The following SLC28A1 variants were observed in gnomAD, a reference collection of about 807,000 sequenced individuals.
SLC28A1 encodes sodium/nucleoside cotransporter 1.
SLC28A1 carries 64 observed loss-of-function variants against 74.8 expected under a neutral mutation model. The observed-to-expected ratio is 0.86, with a 90% CI of 0.70 to 1.05. The LOEUF (loss-of-function observed/expected upper bound fraction) is 1.05, where lower values mean the gene tolerates loss of function less well. Ranked by LOEUF, SLC28A1 falls within the 50% of genes least tolerant of loss-of-function variation. The pLI is 0.00. For synonymous variants in SLC28A1, 359 were observed against 335.0 expected (o/e 1.07, Z -0.78); for missense variants, 828 against 822.8 (o/e 1.01, Z -0.08).
chr15:84,885,281 A>T (rs1378646674), intron 1 of SLC28A1, among the ~76,000 whole-genome samples: 2 of 150,222 alleles, frequency 1.3e-5, no homozygotes, highest in African/African-American at 2.4e-5. Flanking sequence ...TTAAAGGTAG[A>T]GTCTTGCTCT....
intron 12 of SLC28A1, chr15:84,926,559 G>A (rs868142811): frequency 4.4e-6 from 2 of 454,278 alleles, no homozygotes; most frequent in South Asian, 1.6e-5. Context: ...TTGTGATATA[G>A]GGATATTCTC....
At position 84,904,305 on chromosome 15, in the gene SLC28A1, C is replaced by G. The variant is rs1044158196; in HGVS notation, c.603+67C>G. ...TCTCTCTTCTGCCCCTAGGCTGGAT[C>G]TGGGAGCTGGGGTATAGGCAGATGT... is the stretch of plus-strand genomic sequence containing the variant. On this transcript the variant is annotated intron_variant, in intron 7 of 18. Coordinates refer to ENST00000394573, the MANE Select transcript of SLC28A1 (RefSeq NM_004213.5). 2.5e-6 allele frequency: 4 copies of G among 1,605,564 alleles called. No individual in the cohort carries two copies. In the Admixed American group the frequency reaches 6.7e-5, roughly 27 times the overall value.
chr15:84,919,983 C>G (rs149308475), intron 10 of SLC28A1, among the ~76,000 whole-genome samples: 304 of 152,274 alleles, frequency 2.0e-3, no homozygotes, highest in African/African-American at 7.1e-3. Flanking sequence ...AAACCATGCC[C>G]TCCACAAAAT....
chr15:84,931,934 G>A (rs1267311208), intron 12 of SLC28A1, among the ~76,000 whole-genome samples: 2 of 151,760 alleles, frequency 1.3e-5, no homozygotes, highest in East Asian at 1.9e-4. Flanking sequence ...CCCAGGAGGC[G>A]GAGGTTACAG....
At chr15:84,888,473 TG>T (rs1964870852) in intron 3 of SLC28A1, among the ~76,000 whole-genome samples, 1 of 150,848 alleles carries the variant, frequency 6.6e-6, no homozygotes, top group Non-Finnish European at 1.5e-5. Context: ...TAGCCCTGCC[TG>T]GGGCCTCCCT....
chr15:84,905,458 GC>G (rs1966936397), intron 7 of SLC28A1, 80 bp from the exon 8 acceptor site: 2 of 953,432 alleles, frequency 2.1e-6, no homozygotes, highest in African/African-American at 1.6e-5. Flanking sequence ...GCAGGGCAAT[GC>G]CCCCTGCTCT....
chr15:84,904,336 T>C (rs1303765295), intron 7 of SLC28A1, 98 bp downstream of exon 7: 3 of 1,571,818 alleles, frequency 1.9e-6, no homozygotes, highest in Non-Finnish European at 2.6e-6. Context: ...GATGTTCCTG[T>C]TGGGAGAGCC....
intron 12 of SLC28A1, 146 bp from the exon 13 acceptor site, chr15:84,932,999 A>G (rs993494070): frequency 2.6e-6 from 2 of 764,272 alleles, no homozygotes; most frequent in African/African-American, 3.4e-5. Context: ...AGGTATTATT[A>G]TTATTAGTGA....
At chr15:84,923,561 C>G (rs764403348) in intron 11 of SLC28A1, among the ~76,000 whole-genome samples, 66 of 152,122 alleles carry the variant, frequency 4.3e-4, no homozygotes, top group Non-Finnish European at 1.6e-4. Flanking sequence ...TTCTTTTTGG[C>G]CACCGCTGTG....
intron 8 of SLC28A1, among the ~76,000 whole-genome samples, chr15:84,908,040 GGGGACAAGATGAGGGGAGACTTTGCCGTT>G (rs1291813497): frequency 2.0e-4 from 30 of 152,296 alleles, no homozygotes; most frequent in African/African-American, 7.2e-4. Context: ...AGCCCGGGAT[GGGGACAAGATGAGGGGAGACTTTGCCGTT>G]GGTTGTCAGG....
rs566803621 is a variant in SLC28A1 at position 84,944,522 on chromosome 15, G to A, written c.1664-44G>A. 18 of 1,390,966 alleles carry A rather than the reference G, an allele frequency of 1.3e-5. No homozygotes were observed. The South Asian group carries it at 1.5e-4, about 12-fold the overall frequency. The allele number at this position is 1,390,966 out of a possible 1,614,324, so 86.2% of individuals were successfully genotyped here. ...CCGAGCTGCGGAACGCGGGCAGAGA[G>A]GGACACAGCTTCCCAGGCCCTGAGC... On this transcript the variant is annotated intron_variant, in intron 16 of 18. Coordinates refer to ENST00000394573, the MANE Select transcript of SLC28A1 (RefSeq NM_004213.5).
At chr15:84,937,644 G>C (rs1972090437) in intron 15 of SLC28A1, among the ~76,000 whole-genome samples, 1 of 152,208 alleles carries the variant, frequency 6.6e-6, no homozygotes, top group Non-Finnish European at 1.5e-5. Flanking sequence ...GCTCACACCT[G>C]TAATCCCAGC....
the SLC28A1 span, among the ~76,000 whole-genome samples, chr15:84,958,264 G>A: frequency 1.3e-5 from 2 of 152,106 alleles, no homozygotes; most frequent in Admixed American, 6.5e-5. Context: ...GGAACCCTGT[G>A]TTATCTTATT....
At chr15:84,925,973 T>G (rs1470812551) in intron 12 of SLC28A1, among the ~76,000 whole-genome samples, 1 of 151,568 alleles carries the variant, frequency 6.6e-6, no homozygotes, top group African/African-American at 2.4e-5. Context: ...ACAGTTTAAT[T>G]TACTGTAACC....
At chr15:84,900,198 G>T (rs955334115) in intron 6 of SLC28A1, among the ~76,000 whole-genome samples, 2 of 151,480 alleles carry the variant, frequency 1.3e-5, no homozygotes, top group African/African-American at 4.9e-5. Context: ...GGTGGCATGC[G>T]CCTGTAGTAT....
chr15:84,943,903 C>CA (rs1156848120), intron 16 of SLC28A1, among the ~76,000 whole-genome samples: 1,571 of 132,658 alleles, frequency 0.012, 18 homozygotes, highest in African/African-American at 0.027. Context: ...GACTCTGTCT[C>CA]AAAAAAAAAA....
chr15:84,954,541 T>C, the SLC28A1 span, among the ~76,000 whole-genome samples: 1 of 152,114 alleles, frequency 6.6e-6, no homozygotes, highest in Non-Finnish European at 1.5e-5. Flanking sequence ...AAACAAACTA[T>C]GTGAGGTAGA....
At chr15:84,963,546 C>T in the SLC28A1 span, among the ~76,000 whole-genome samples, 2 of 152,212 alleles carry the variant, frequency 1.3e-5, no homozygotes, top group African/African-American at 2.4e-5. Context: ...TGGCCCATCA[C>T]ACCACAACAC....
chr15:84,922,672 G>A (rs986483075), intron 11 of SLC28A1, among the ~76,000 whole-genome samples: 5 of 152,152 alleles, frequency 3.3e-5, no homozygotes, highest in Non-Finnish European at 5.9e-5. Context: ...AAGCAAGCGT[G>A]CCCCTCACCG....
Sources: gnomAD v4.1 joint callset for allele counts (sites outside exome capture counted in the v4.1 genomes callset) on GRCh38, gnomAD v4.1.1 for gene constraint, MANE v1.5 for transcripts, NCBI Gene and HGNC (gene_info 2026-07-23, HGNC 2026-07-21) for gene names.